DCLRE1C: variants seen among roughly 807,000 people sequenced by gnomAD.
DCLRE1C encodes the protein DNA cross-link repair 1C, also known as protein artemis.
In DCLRE1C, 47 loss-of-function variants were observed where a neutral mutation model predicts 61.4. The observed-to-expected ratio is 0.77, with a 90% CI of 0.61 to 0.98. DCLRE1C has a LOEUF of 0.98. Ranked by LOEUF, DCLRE1C falls within the 50% of genes least tolerant of loss-of-function variation. DCLRE1C has a pLI of 0.00. For synonymous variants in DCLRE1C, 337 were observed against 287.6 expected (o/e 1.17, Z -1.74); for missense variants, 858 against 816.0 (o/e 1.05, Z -0.63).
At chr10:14,917,956 A>G (rs139917855) in intron 13 of DCLRE1C, among the ~76,000 whole-genome samples, 1 of 152,338 alleles carries the variant, frequency 6.6e-6, no homozygotes, top group African/African-American at 2.4e-5. Flanking sequence ...TTAAAACCAC[A>G]AAGAGCTATC....
intron 1 of DCLRE1C, 102 bp from the exon 2 acceptor site, chr10:14,949,189 T>A: frequency 2.5e-6 from 2 of 803,332 alleles, no homozygotes; most frequent in Non-Finnish European, 4.2e-6. Flanking sequence ...AGAAAACCCA[T>A]GAGGTTTGCT....
At chr10:14,909,352 T>C in intron 13 of DCLRE1C, 22 bp from the exon 14 acceptor site, 2 of 1,609,138 alleles carry the variant, frequency 1.2e-6, no homozygotes, top group Non-Finnish European at 1.7e-6. Flanking sequence ...ACAAAACAGG[T>C]TTATAGGAAA....
intron 9 of DCLRE1C, 24 bp downstream of exon 9, chr10:14,932,830 G>A (rs375983867): frequency 2.0e-4 from 315 of 1,610,964 alleles, no homozygotes; most frequent in Admixed American, 3.8e-4. Context: ...CAAACAATAC[G>A]AGAGGAATCA....
Position 14,908,798 on chromosome 10 carries a change from T to C in DCLRE1C, c.1689A>G (p.Gln563=). ...AAGTAATATCCCCACTGTTTCTCTC[T>C]TGGGAAGATAACAAAACAGTATCAG... The part of the protein sequence containing the change: ...SQSDTVLLSS[Q]ERNSGDITSL... The change falls in exon 14 of 14, where the codon CAA becomes CAG. Residue 563 remains glutamine, a synonymous_variant. Coordinates refer to ENST00000378278, the MANE Select transcript of DCLRE1C (RefSeq NM_001033855.3). The C allele has an allele frequency of 6.2e-7, 1 of 1,614,242 alleles. No homozygotes were observed.
Position 14,932,953 on chromosome 10 carries a change from A to T in DCLRE1C, c.681T>A (p.Val227=). 1 of 1,613,992 alleles carries T rather than the reference A, an allele frequency of 6.2e-7. No individual in the cohort carries two copies. Among genetic ancestry groups the T allele is most frequent in the South Asian group, 1.1e-5 (1 of 91,078 alleles). ...TNLSEELGVQ[V]HVNKLDMFRN... ...TAAACATGTCTAGCTTATTCACATG[A>T]ACCTAAGGCAAATAATACATACATG... The change falls in exon 9 of 14, where the codon GTT becomes GTA. Residue 227 remains valine, a splice_region_variant and synonymous_variant. Transcript: ENST00000378278.
chr10:14,943,831 C>T (rs1841259350), intron 3 of DCLRE1C, among the ~76,000 whole-genome samples: 1 of 152,202 alleles, frequency 6.6e-6, no homozygotes, highest in African/African-American at 2.4e-5. Context: ...CAAGCGTGAG[C>T]CACTGGGCCC....
chr10:14,928,212 C>T, intron 9 of DCLRE1C, 60 bp from the exon 10 acceptor site: 1 of 1,505,856 alleles, frequency 6.6e-7, no homozygotes, highest in Non-Finnish European at 9.1e-7. Flanking sequence ...CTGTTGTAGG[C>T]AGAGTCTCAA....
At chr10:14,915,457 A>G (rs76169694) in intron 13 of DCLRE1C, among the ~76,000 whole-genome samples, 5,599 of 152,186 alleles carry the variant, frequency 0.037, 374 homozygotes, top group African/African-American at 0.13. Context: ...GAGCAAGAGG[A>G]TTAATATCAG....
At chr10:14,948,586 T>C (rs1269577602) in intron 2 of DCLRE1C, among the ~76,000 whole-genome samples, 1 of 151,884 alleles carries the variant, frequency 6.6e-6, no homozygotes, top group Non-Finnish European at 1.5e-5. Context: ...TAAAAGGGTA[T>C]ATTTGGGGCC....
chr10:14,931,310 C>T (rs923851592), intron 9 of DCLRE1C, among the ~76,000 whole-genome samples: 1 of 152,130 alleles, frequency 6.6e-6, no homozygotes, highest in African/African-American at 2.4e-5. Context: ...CCTGTAATCC[C>T]AGCACTTTGG....
At chr10:14,927,036 C>A in intron 10 of DCLRE1C, 139 bp from the exon 11 acceptor site, 1 of 717,762 alleles carries the variant, frequency 1.4e-6, no homozygotes, top group Non-Finnish European at 2.4e-6. Context: ...TCGAAATCAC[C>A]CTAAATCAGG....
chr10:14,944,678 T>C lies in DCLRE1C; in HGVS notation c.246+427A>G, dbSNP rs1169511292. On this transcript the variant is annotated intron_variant, in intron 3 of 13. Coordinates refer to ENST00000378278, the MANE Select transcript of DCLRE1C (RefSeq NM_001033855.3). ...ACAGACTTAATTTTTTTTTTCTTTTTTTTTTTTTTTTTTTTAGATGGAGTC... is the reference window on the plus strand; with the variant it reads ...ACAGACTTAATTTTTTTTTTCTTTTCTTTTTTTTTTTTTTTAGATGGAGTC... Among the ~76,000 whole-genome samples the C allele has an allele frequency of 8.6e-3, 1,260 of 146,236 alleles. 19 individuals carry two copies. The highest frequency in any genetic ancestry group is 0.03 in the African/African-American group (1,186 of 39,896).
chr10:14,945,212 C>T, intron 2 of DCLRE1C, 23 bp from the exon 3 acceptor site: 4 of 1,599,840 alleles, frequency 2.5e-6, no homozygotes, highest in Non-Finnish European at 3.4e-6. Flanking sequence ...AAGAAAAAAA[C>T]TTTCAGTACA....
chr10:14,917,652 C>T (rs1328395894), intron 13 of DCLRE1C, among the ~76,000 whole-genome samples: 1 of 151,982 alleles, frequency 6.6e-6, no homozygotes, highest in Non-Finnish European at 1.5e-5. Flanking sequence ...GGTGAAACTC[C>T]ATGTCTACAA....
At chr10:14,911,813 G>T (rs929593149) in intron 13 of DCLRE1C, among the ~76,000 whole-genome samples, 3 of 152,114 alleles carry the variant, frequency 2.0e-5, no homozygotes, top group African/African-American at 7.2e-5. Flanking sequence ...CACTGAAGAA[G>T]TTACATAAAT....
chr10:14,937,851 C>T (rs987683720), intron 4 of DCLRE1C, among the ~76,000 whole-genome samples: 3 of 150,144 alleles, frequency 2.0e-5, no homozygotes, highest in Admixed American at 6.6e-5. Flanking sequence ...CCAAGATCGC[C>T]CTACTGCACT....
chr10:14,926,878 T>A lies in DCLRE1C; in HGVS notation c.937A>T (p.Arg313Ter). 6.2e-7 allele frequency: 1 copy of A among 1,613,534 alleles called. No individual in the cohort carries two copies. ...VIVRTGESSY[R>*]ACFSFHSSYS... ...GAGGAGTGAAAAGAAAAACAAGCTC[T>A]GTATGAACTCTCTCCAGTCCTAAAG... The change falls in exon 11 of 14, where the codon AGA (arginine) becomes TGA (stop). Residue 313 changes from arginine to a stop codon, truncating the protein, a stop_gained. Transcript: ENST00000378278. LOFTEE classifies it high-confidence loss of function.
intron 13 of DCLRE1C, among the ~76,000 whole-genome samples, chr10:14,916,707 TAC>T (rs919508853): frequency 8.9e-4 from 136 of 152,348 alleles, no homozygotes; most frequent in African/African-American, 3.1e-3. Context: ...GGGATTGATT[TAC>T]ACAGACTTAT....
chr10:14,937,596 T>C (rs1004914748), intron 4 of DCLRE1C, among the ~76,000 whole-genome samples: 2 of 151,874 alleles, frequency 1.3e-5, no homozygotes, highest in African/African-American at 2.4e-5. Flanking sequence ...TATTTAACAA[T>C]TTTTAAAGCC....
Sources: allele counts gnomAD v4.1 joint callset (sites outside exome capture counted in the v4.1 genomes callset), GRCh38; gene constraint gnomAD v4.1.1; transcripts MANE v1.5; gene names NCBI Gene and HGNC (gene_info 2026-07-23, HGNC 2026-07-21).